The following KDM4B variants were observed in gnomAD, a reference collection of about 807,000 sequenced individuals.
KDM4B encodes lysine demethylase 4B, also known as lysine-specific demethylase 4B.
A neutral mutation model predicts 125.2 loss-of-function variants in KDM4B; 32 were observed. The ratio of observed to expected loss-of-function variants is 0.26; its 90% CI spans 0.19 to 0.34. The LOEUF (loss-of-function observed/expected upper bound fraction) is 0.34, where lower values mean the gene tolerates loss of function less well. Ranked by LOEUF, KDM4B falls within the 10% of genes least tolerant of loss-of-function variation. The pLI, the probability that KDM4B is intolerant of heterozygous loss-of-function variation, is 1.00. For synonymous variants in KDM4B, 721 were observed against 677.9 expected (o/e 1.06, Z -0.99); for missense variants, 1,190 against 1,577.7 (o/e 0.75, Z 4.16).
At chr19:5,036,400 C>T (rs2036627469) in intron 3 of KDM4B, among the ~76,000 whole-genome samples, 2 of 152,358 alleles carry the variant, frequency 1.3e-5, no homozygotes, top group South Asian at 4.1e-4. Flanking sequence ...GGAAGCCTTC[C>T]ACTGGAGTTG....
intron 10 of KDM4B, chr19:5,112,777 T>A (rs1421011889): frequency 1.3e-5 from 2 of 152,450 alleles, no homozygotes; most frequent in African/African-American, 4.8e-5. Flanking sequence ...AAGGTGAATC[T>A]GTCTCTTCTG....
intron 1 of KDM4B, among the ~76,000 whole-genome samples, chr19:5,015,452 A>G (rs2035862938): frequency 6.6e-6 from 1 of 152,104 alleles, no homozygotes; most frequent in Non-Finnish European, 1.5e-5. Flanking sequence ...GGGTTTCACC[A>G]TGTTGACCAG....
chr19:5,110,593 G>A (rs1307923473), intron 9 of KDM4B, 29 bp from the exon 10 acceptor site: 5 of 1,611,412 alleles, frequency 3.1e-6, no homozygotes, highest in Admixed American at 3.3e-5. Context: ...GGTGTGGCGC[G>A]AGGGCTCAGA....
chr19:5,029,480 G>T (rs1343255637), intron 2 of KDM4B, among the ~76,000 whole-genome samples: 1 of 152,360 alleles, frequency 6.6e-6, no homozygotes, highest in East Asian at 1.9e-4. Flanking sequence ...CGTGGGGATT[G>T]TGGACCATTT....
chr19:5,016,597 C>T (rs572411844), intron 2 of KDM4B, among the ~76,000 whole-genome samples: 3 of 152,356 alleles, frequency 2.0e-5, no homozygotes, highest in East Asian at 1.9e-4. Flanking sequence ...CCGACTCTCA[C>T]TTCTAGAAAC....
intron 10 of KDM4B, among the ~76,000 whole-genome samples, 189 bp downstream of exon 10, chr19:5,111,007 A>G (rs2145986365): frequency 6.6e-6 from 1 of 152,080 alleles, no homozygotes; most frequent in Non-Finnish European, 1.5e-5. Context: ...TCTGAGGCAC[A>G]GTGTTTTCTC....
At chr19:5,119,511 CG>C in intron 10 of KDM4B, 141 bp from the exon 11 acceptor site, 2 of 843,574 alleles carry the variant, frequency 2.4e-6, no homozygotes, top group Non-Finnish European at 3.9e-6. Context: ...CCTTTACCCC[CG>C]GCCTCCAGCC....
At chr19:5,137,917 A>G in intron 17 of KDM4B, 45 bp from the exon 18 acceptor site, 2 of 1,505,662 alleles carry the variant, frequency 1.3e-6, no homozygotes, top group Non-Finnish European at 1.8e-6. Flanking sequence ...TGACCAGCCC[A>G]GGTCCTCAGA....
intron 5 of KDM4B, 70 bp downstream of exon 5, chr19:5,041,321 G>T: frequency 1.7e-6 from 2 of 1,207,930 alleles, no homozygotes; most frequent in South Asian, 2.5e-5. Context: ...GGCCCTGAAC[G>T]GGACTCTGCC....
Position 4,971,857 on chromosome 19 carries a change from T to A in KDM4B, c.-109+2627T>A, listed in dbSNP as rs1386524410. On this transcript the variant is annotated intron_variant, in intron 1 of 22. Transcript: ENST00000159111. The surrounding 1 kb of genome is among the most constrained non-coding windows in gnomAD (Gnocchi z 4.1). Reference sequence around the variant, plus strand: ...GCTGGGTGACCTTGACCCAGTCACTTGCTCAGTGACAAAGCAGATCGGGGG... The same window carrying A: ...GCTGGGTGACCTTGACCCAGTCACTAGCTCAGTGACAAAGCAGATCGGGGG... Among the ~76,000 whole-genome samples, 2 of 150,358 alleles carry A rather than the reference T, an allele frequency of 1.3e-5. No homozygotes were observed. Among genetic ancestry groups the A allele is most frequent in the South Asian group, 2.1e-4 (1 of 4,754 alleles).
chr19:5,070,511 T>C (rs2037912916), intron 6 of KDM4B: 1 of 153,364 alleles, frequency 6.5e-6, no homozygotes, highest in Non-Finnish European at 1.5e-5. Context: ...TTTTCTCATT[T>C]CCAAAGCTGC....
intron 9 of KDM4B, among the ~76,000 whole-genome samples, chr19:5,098,503 G>A (rs911168488): frequency 6.6e-6 from 1 of 152,134 alleles, no homozygotes; most frequent in Non-Finnish European, 1.5e-5. Context: ...GACTTGCCCA[G>A]CCTGTGGGGT....
At position 5,131,423 on chromosome 19, in the gene KDM4B, G is replaced by A. The variant is rs1446068042; in HGVS notation, c.1663G>A (p.Ala555Thr). 1.2e-6 allele frequency: 2 copies of A among 1,610,752 alleles called. No individual in the cohort carries two copies. The highest frequency in any genetic ancestry group is 1.7e-5 in the Admixed American group (1 of 59,756). The change falls in exon 12 of 23, where the codon GCC (alanine) becomes ACC (threonine). Residue 555 changes from alanine to threonine, a missense_variant. Transcript: ENST00000159111. Reference protein sequence around the residue: ...VSCQQAFEHFAQKGPTWKEPV... With the variant: ...VSCQQAFEHFTQKGPTWKEPV... ...CTGCCAGCAGGCCTTTGAGCACTTT[G>A]CCCAGAAGGGTCCGACCTGGAAGGA...
intron 6 of KDM4B, among the ~76,000 whole-genome samples, chr19:5,065,273 G>A (rs1344004396): frequency 6.6e-6 from 1 of 152,236 alleles, no homozygotes; most frequent in Non-Finnish European, 1.5e-5. Context: ...GTGACCCCAA[G>A]CCCGTCTGCT....
chr19:5,087,693 C>A (rs1438400437), intron 9 of KDM4B, among the ~76,000 whole-genome samples: 2 of 152,234 alleles, frequency 1.3e-5, no homozygotes, highest in East Asian at 1.9e-4. Context: ...ATTTGAGCTG[C>A]TCATCTCTGT....
intron 1 of KDM4B, among the ~76,000 whole-genome samples, chr19:5,015,743 C>T (rs894651721): frequency 3.3e-5 from 5 of 152,204 alleles, no homozygotes; most frequent in African/African-American, 1.2e-4. Context: ...AGTTCTGTTC[C>T]GCATCCATCC....
intron 2 of KDM4B, among the ~76,000 whole-genome samples, chr19:5,023,758 ATTTTTT>A (rs148293792): frequency 9.1e-4 from 81 of 89,116 alleles, no homozygotes; most frequent in Admixed American, 2.7e-3. Context: ...GTCTTTTTGA[ATTTTTT>A]TTTTTTTTTT....
At chr19:4,970,639 T>C (rs781692656) in intron 1 of KDM4B, among the ~76,000 whole-genome samples, 2 of 151,760 alleles carry the variant, frequency 1.3e-5, no homozygotes, top group Non-Finnish European at 2.9e-5. Flanking sequence ...TCACTGCCGT[T>C]ATGGGAGCTA....
intron 1 of KDM4B, among the ~76,000 whole-genome samples, chr19:4,996,512 C>A (rs565585654): frequency 1.7e-4 from 26 of 152,050 alleles, no homozygotes; most frequent in Admixed American, 1.6e-3. Flanking sequence ...TTGCTGGGGC[C>A]ACATGTGTGC....
Sources: gnomAD v4.1 joint callset for allele counts (sites outside exome capture counted in the v4.1 genomes callset) on GRCh38, gnomAD v4.1.1 for gene constraint, Gnocchi (gnomAD v3.1) non-coding constraint, MANE v1.5 for transcripts, NCBI Gene and HGNC (gene_info 2026-07-23, HGNC 2026-07-21) for gene names.